Variants in MACROD2 observed in about 807,000 individuals in gnomAD.
MACROD2 encodes the protein ADP-ribose glycohydrolase MACROD2.
A neutral mutation model predicts 70.4 loss-of-function variants in MACROD2; 36 were observed. That is an observed-to-expected ratio of 0.51 (90% CI 0.39 to 0.68). The LOEUF (loss-of-function observed/expected upper bound fraction) is 0.68, where lower values mean the gene tolerates loss of function less well. Ranked by LOEUF, MACROD2 falls within the 30% of genes least tolerant of loss-of-function variation. The pLI, the probability that MACROD2 is intolerant of heterozygous loss-of-function variation, is 0.00. For missense variants in MACROD2, 496 were observed against 538.4 expected (o/e 0.92, Z 0.78); for synonymous variants, 172 against 178.8 (o/e 0.96, Z 0.30).
intron 2 of MACROD2, among the ~76,000 whole-genome samples, chr20:14,085,031 TG>T (rs1385723716): frequency 7.3e-5 from 1 of 13,728 alleles, no homozygotes; most frequent in Non-Finnish European, 1.5e-4. Context: ...GGTTGGGGGG[TG>T]GGGGGGTGGT....
At chr20:15,499,069 G>A (rs958967890) in intron 7 of MACROD2, among the ~76,000 whole-genome samples, 1 of 152,162 alleles carries the variant, frequency 6.6e-6, no homozygotes, top group Non-Finnish European at 1.5e-5. Flanking sequence ...GACTCTGCAG[G>A]TCCAGGAATG....
intron 8 of MACROD2, among the ~76,000 whole-genome samples, chr20:15,659,551 C>T (rs887376923): frequency 6.6e-6 from 1 of 152,020 alleles, no homozygotes; most frequent in Non-Finnish European, 1.5e-5. Flanking sequence ...CACCTGGTTG[C>T]CTCCTGCTTC....
intron 3 of MACROD2, among the ~76,000 whole-genome samples, chr20:14,234,159 G>T (rs994972004): frequency 4.6e-5 from 7 of 152,022 alleles, no homozygotes; most frequent in Admixed American, 4.6e-4. Context: ...GAGGGTATAT[G>T]GGGACTCTGT....
At chr20:15,922,951 A>C (rs901448096) in intron 10 of MACROD2, among the ~76,000 whole-genome samples, 1 of 126,386 alleles carries the variant, frequency 7.9e-6, no homozygotes, top group Non-Finnish European at 1.6e-5. Context: ...AATTCTATAC[A>C]TTGATTTTAT....
At chr20:15,415,613 T>C (rs933824929) in intron 6 of MACROD2, among the ~76,000 whole-genome samples, 2 of 152,366 alleles carry the variant, frequency 1.3e-5, no homozygotes, top group South Asian at 2.1e-4. Context: ...GATGCAATCA[T>C]AAGATTGTGA....
At chr20:14,893,939 C>G (rs1158146679) in intron 5 of MACROD2, 1 of 151,954 alleles carries the variant, frequency 6.6e-6, no homozygotes. Flanking sequence ...CTTGTACCAC[C>G]ATTTCTGGCA....
chr20:15,341,927 A>G (rs2078114447), intron 6 of MACROD2, among the ~76,000 whole-genome samples: 1 of 152,110 alleles, frequency 6.6e-6, no homozygotes, highest in African/African-American at 2.4e-5. Flanking sequence ...GGTGGTGTGC[A>G]CTTGTAATCT....
At chr20:15,775,160 G>T (rs2051700808) in intron 8 of MACROD2, among the ~76,000 whole-genome samples, 1 of 152,100 alleles carries the variant, frequency 6.6e-6, no homozygotes, top group Admixed American at 6.6e-5. Context: ...TGTAGGAGGA[G>T]TCATGAATAT....
intron 8 of MACROD2, among the ~76,000 whole-genome samples, chr20:15,614,231 T>C (rs1261044041): frequency 2.6e-5 from 4 of 152,184 alleles, no homozygotes; most frequent in African/African-American, 9.7e-5. Context: ...CAACAAATGG[T>C]AGATTTAGAT....
chr20:15,819,417 A>G (rs1426469951), intron 8 of MACROD2, among the ~76,000 whole-genome samples: 1 of 143,296 alleles, frequency 7.0e-6, no homozygotes, highest in East Asian at 2.0e-4. Flanking sequence ...ATATATTTAT[A>G]TAAATATAAA....
intron 8 of MACROD2, among the ~76,000 whole-genome samples, chr20:15,825,789 T>C (rs376194755): frequency 6.6e-5 from 10 of 152,322 alleles, no homozygotes; most frequent in African/African-American, 2.4e-4. Flanking sequence ...TTTCTTGGTG[T>C]TGGAATATCC....
At chr20:14,126,068 A>G (rs976425493) in intron 3 of MACROD2, among the ~76,000 whole-genome samples, 3 of 152,206 alleles carry the variant, frequency 2.0e-5, no homozygotes, top group Middle Eastern at 3.4e-3. Context: ...GTCCCCATGT[A>G]TTCTGTTTTA....
chr20:15,853,016 T>TAAC (rs1237237730), intron 8 of MACROD2, among the ~76,000 whole-genome samples: 2 of 151,948 alleles, frequency 1.3e-5, no homozygotes, highest in Non-Finnish European at 2.9e-5. Flanking sequence ...ATCTCTAAAA[T>TAAC]AATAATAATA....
intron 5 of MACROD2, among the ~76,000 whole-genome samples, chr20:15,184,479 A>G (rs1427699429): frequency 2.0e-5 from 3 of 152,194 alleles, no homozygotes; most frequent in Non-Finnish European, 4.4e-5. Context: ...ACAAAGGCCA[A>G]TGTCATCCTC....
intron 15 of MACROD2, among the ~76,000 whole-genome samples, chr20:15,998,831 T>C (rs2066669480): frequency 6.6e-6 from 1 of 152,168 alleles, no homozygotes; most frequent in African/African-American, 2.4e-5. Context: ...CCCAAAGTGC[T>C]GGGATTACAG....
chr20:15,868,244 G>T (rs1188898503), intron 9 of MACROD2, among the ~76,000 whole-genome samples: 1 of 152,098 alleles, frequency 6.6e-6, no homozygotes. Context: ...CCCTCAGCCT[G>T]GTCTCTGGCT....
intron 3 of MACROD2, among the ~76,000 whole-genome samples, chr20:14,469,253 G>GC (rs1482622409): frequency 6.6e-6 from 1 of 152,174 alleles, no homozygotes; most frequent in African/African-American, 2.4e-5. Flanking sequence ...TTGAATATTG[G>GC]CCCCCACTCT....
chr20:14,223,788 G>A (rs528947938), intron 3 of MACROD2, among the ~76,000 whole-genome samples: 21 of 152,186 alleles, frequency 1.4e-4, no homozygotes, highest in Admixed American at 5.2e-4. Context: ...GTGAGCCACC[G>A]CGCCTGGCCT....
chr20:14,942,119 A>G (rs1191588931), intron 5 of MACROD2, among the ~76,000 whole-genome samples: 2 of 151,948 alleles, frequency 1.3e-5, no homozygotes, highest in Non-Finnish European at 2.9e-5. Context: ...TCTTCTGTAG[A>G]CACTCTAACA....
Sources: gnomAD v4.1 joint callset for allele counts (sites outside exome capture counted in the v4.1 genomes callset) on GRCh38, gnomAD v4.1.1 for gene constraint, MANE v1.5 for transcripts, NCBI Gene and HGNC (gene_info 2026-07-23, HGNC 2026-07-21) for gene names.